Variants in TRAPPC3L observed in about 807,000 individuals in gnomAD.
The protein encoded by TRAPPC3L is trafficking protein particle complex subunit 3L, also known as trafficking protein particle complex subunit 3-like protein.
Under a neutral mutation model 23.7 loss-of-function variants are expected in TRAPPC3L, and 23 were observed. The observed-to-expected ratio is 0.97, with a 90% CI of 0.70 to 1.37. TRAPPC3L has a LOEUF of 1.37. Among genes scored for constraint, TRAPPC3L ranks in the 40% most tolerant of loss-of-function variants. The pLI, the probability that TRAPPC3L is intolerant of heterozygous loss-of-function variation, is 0.00. For missense variants in TRAPPC3L, 212 were observed against 216.8 expected (o/e 0.98, Z 0.14); for synonymous variants, 81 against 77.9 (o/e 1.04, Z -0.21).
chr6:116,539,451 T>A (rs186071230), intron 3 of TRAPPC3L, among the ~76,000 whole-genome samples: 11 of 152,296 alleles, frequency 7.2e-5, no homozygotes, highest in Non-Finnish European at 1.5e-4. Flanking sequence ...TAATGTAGAA[T>A]TTTTCCCCAC....
chr6:116,505,674 T>C (rs1364782526), intron 3 of TRAPPC3L, among the ~76,000 whole-genome samples: 2 of 152,146 alleles, frequency 1.3e-5, no homozygotes, highest in Non-Finnish European at 2.9e-5. Context: ...AACAGATATA[T>C]AGACCAATGG....
chr6:116,511,183 G>GATATATATAT (rs59420398), intron 3 of TRAPPC3L, among the ~76,000 whole-genome samples: 3,712 of 141,410 alleles, frequency 0.026, 68 homozygotes, highest in East Asian at 0.11. Flanking sequence ...AAAAGCTATT[G>GATATATATAT]ATATATATAT....
intron 3 of TRAPPC3L, chr6:116,520,411 A>G (rs897148097): frequency 2.6e-5 from 4 of 152,168 alleles, no homozygotes; most frequent in African/African-American, 9.6e-5. Flanking sequence ...AAGCCAGAGG[A>G]TATTAATTTC....
intron 3 of TRAPPC3L, among the ~76,000 whole-genome samples, chr6:116,536,401 GA>G (rs1321090508): frequency 6.6e-6 from 1 of 152,064 alleles, no homozygotes; most frequent in Non-Finnish European, 1.5e-5. Flanking sequence ...CCTCTTTGAA[GA>G]AAAAAACTAG....
chr6:116,538,997 A>T (rs1401853253), intron 3 of TRAPPC3L, among the ~76,000 whole-genome samples: 1 of 152,084 alleles, frequency 6.6e-6, no homozygotes, highest in Non-Finnish European at 1.5e-5. Context: ...CACTAAGCTA[A>T]TGGGATGAAT....
At chr6:116,541,833 G>A (rs1773482367) in intron 2 of TRAPPC3L, among the ~76,000 whole-genome samples, 1 of 152,114 alleles carries the variant, frequency 6.6e-6, no homozygotes, top group African/African-American at 2.4e-5. Context: ...TACACATATT[G>A]CTTTGGTCAA....
intron 3 of TRAPPC3L, among the ~76,000 whole-genome samples, chr6:116,538,057 T>C (rs960839821): frequency 2.6e-5 from 4 of 152,220 alleles, no homozygotes; most frequent in Admixed American, 1.3e-4. Flanking sequence ...AGCAGCTATT[T>C]TGAAGTTAAT....
intron 1 of TRAPPC3L, among the ~76,000 whole-genome samples, chr6:116,544,151 A>AAGAGAGAGAGAGAGAGAGAGAGAGAG (rs141606346): frequency 1.4e-4 from 19 of 132,918 alleles, no homozygotes; most frequent in Admixed American, 4.0e-4. Context: ...AAAGGTGAAG[A>AAGAGAGAGAGAGAGAGAGAGAGAGAG]AGAGAGAGAG....
At chr6:116,539,712 T>G (rs1215879098) in intron 3 of TRAPPC3L, among the ~76,000 whole-genome samples, 1 of 152,178 alleles carries the variant, frequency 6.6e-6, no homozygotes, top group African/African-American at 2.4e-5. Flanking sequence ...GAGACTGACT[T>G]AATTGATCAG....
intron 2 of TRAPPC3L, among the ~76,000 whole-genome samples, chr6:116,541,862 G>A (rs1287223209): frequency 6.6e-6 from 1 of 152,152 alleles, no homozygotes; most frequent in Non-Finnish European, 1.5e-5. Flanking sequence ...TTTCTGCAAA[G>A]TAGATATTTT....
chr6:116,505,444 C>T (rs1433787860), intron 3 of TRAPPC3L, among the ~76,000 whole-genome samples: 1 of 152,064 alleles, frequency 6.6e-6, no homozygotes, highest in Non-Finnish European at 1.5e-5. Context: ...CCATACTGCC[C>T]AAGGTAATTT....
chr6:116,500,089 G>A (rs965209561), intron 4 of TRAPPC3L, among the ~76,000 whole-genome samples: 1 of 152,194 alleles, frequency 6.6e-6, no homozygotes, highest in Non-Finnish European at 1.5e-5. Context: ...CTACAAAGAG[G>A]TCCATGTGGC....
chr6:116,515,355 G>T (rs754439251), intron 3 of TRAPPC3L, among the ~76,000 whole-genome samples: 1 of 152,074 alleles, frequency 6.6e-6, no homozygotes, highest in Non-Finnish European at 1.5e-5. Context: ...CTGCCTTCTG[G>T]TTATTTCTTT....
chr6:116,512,586 A>G (rs1772145850), intron 3 of TRAPPC3L, among the ~76,000 whole-genome samples: 2 of 152,252 alleles, frequency 1.3e-5, no homozygotes, highest in South Asian at 4.1e-4. Context: ...GTAATTAGAA[A>G]TTACTGCCTT....
intron 4 of TRAPPC3L, among the ~76,000 whole-genome samples, chr6:116,499,959 T>C (rs1310070542): frequency 6.6e-6 from 1 of 152,184 alleles, no homozygotes; most frequent in African/African-American, 2.4e-5. Flanking sequence ...ATAATTCAGG[T>C]GTAAAATCCA....
At chr6:116,528,895 G>A (rs1234281294) in intron 3 of TRAPPC3L, 3 of 152,222 alleles carry the variant, frequency 2.0e-5, no homozygotes, top group South Asian at 2.1e-4. Flanking sequence ...AAAACAGGAC[G>A]AGCAAAGAAA....
intron 4 of TRAPPC3L, among the ~76,000 whole-genome samples, chr6:116,498,461 T>A (rs2806719): frequency 6.6e-6 from 1 of 152,046 alleles, no homozygotes; most frequent in Non-Finnish European, 1.5e-5. Context: ...TCACAAATAA[T>A]TTAAAATTAC....
intron 3 of TRAPPC3L, among the ~76,000 whole-genome samples, chr6:116,513,700 A>G (rs1772169233): frequency 6.6e-6 from 1 of 152,224 alleles, no homozygotes; most frequent in African/African-American, 2.4e-5. Context: ...GATAGGCAGG[A>G]GGCAGCATAT....
At chr6:116,535,659 C>G (rs937055121) in intron 3 of TRAPPC3L, among the ~76,000 whole-genome samples, 1 of 152,186 alleles carries the variant, frequency 6.6e-6, no homozygotes, top group Non-Finnish European at 1.5e-5. Context: ...CTGTAAGTAA[C>G]AGTTGAATTA....
Sources: gnomAD v4.1 joint callset for allele counts (sites outside exome capture counted in the v4.1 genomes callset) on GRCh38, gnomAD v4.1.1 for gene constraint, MANE v1.5 for transcripts, NCBI Gene and HGNC (gene_info 2026-07-23, HGNC 2026-07-21) for gene names.